The following AK8 variants were observed in gnomAD, a reference collection of about 807,000 sequenced individuals.
AK8 encodes adenylate kinase 8.
A neutral mutation model predicts 54.6 loss-of-function variants in AK8; 44 were observed. The ratio of observed to expected loss-of-function variants is 0.81; its 90% CI spans 0.63 to 1.04. The LOEUF (loss-of-function observed/expected upper bound fraction) is 1.04, where lower values mean the gene tolerates loss of function less well. Among genes scored for constraint, AK8 ranks in the 50% least tolerant of loss-of-function variants. The pLI is 0.00. For missense variants in AK8, 555 were observed against 613.6 expected, an observed-to-expected ratio of 0.90 and a Z score of 1.01; for synonymous variants, 239 against 245.6, an observed-to-expected ratio of 0.97 and a Z score of 0.25.
chr9:132,757,593 A>G (rs1564385896), intron 11 of AK8, among the ~76,000 whole-genome samples: 1 of 152,170 alleles, frequency 6.6e-6, no homozygotes, highest in Non-Finnish European at 1.5e-5. Context: ...ACTTCACACA[A>G]TGTGGACTGC....
intron 5 of AK8, among the ~76,000 whole-genome samples, chr9:132,838,028 C>T (rs1417788185): frequency 6.6e-6 from 1 of 152,190 alleles, no homozygotes; most frequent in Non-Finnish European, 1.5e-5. Flanking sequence ...TCTATAAACC[C>T]GTGAGTGTCA....
chr9:132,760,039 C>T (rs115108914), intron 11 of AK8, among the ~76,000 whole-genome samples: 1,853 of 152,250 alleles, frequency 0.012, 41 homozygotes, highest in African/African-American at 0.042. Flanking sequence ...ATAATATTAG[C>T]GTCCCTAACC....
chr9:132,746,154 G>A (rs1837639847), intron 11 of AK8, among the ~76,000 whole-genome samples: 3 of 138,472 alleles, frequency 2.2e-5, no homozygotes, highest in Non-Finnish European at 4.6e-5. Context: ...AGTCCTCTGA[G>A]ATGGTTCTAT....
intron 11 of AK8, among the ~76,000 whole-genome samples, chr9:132,782,620 C>T (rs1027788516): frequency 6.6e-6 from 1 of 151,778 alleles, no homozygotes; most frequent in South Asian, 2.1e-4. Context: ...ATCCGGAAGG[C>T]GGAGGTTGTA....
chr9:132,726,522 C>T (rs375642716), intron 12 of AK8, among the ~76,000 whole-genome samples: 1 of 152,204 alleles, frequency 6.6e-6, no homozygotes, highest in East Asian at 1.9e-4. Flanking sequence ...CCTGCCTTGG[C>T]CTCCCAAAGT....
chr9:132,792,850 G>C (rs932379300), intron 10 of AK8, 75 bp from the exon 11 acceptor site: 16 of 1,479,304 alleles, frequency 1.1e-5, no homozygotes, highest in Non-Finnish European at 1.4e-5. Context: ...ACTTTACTTG[G>C]CCATAGATTG....
intron 11 of AK8, among the ~76,000 whole-genome samples, chr9:132,785,617 C>A (rs908444417): frequency 3.3e-5 from 5 of 152,042 alleles, no homozygotes; most frequent in African/African-American, 1.2e-4. Flanking sequence ...CAAAGGAAAC[C>A]ATAATGAAGC....
intron 11 of AK8, among the ~76,000 whole-genome samples, chr9:132,763,521 T>A (rs916670921): frequency 6.6e-6 from 1 of 152,258 alleles, no homozygotes; most frequent in Non-Finnish European, 1.5e-5. Context: ...TCTAACTAGA[T>A]GCGTAAACAG....
intron 9 of AK8, among the ~76,000 whole-genome samples, chr9:132,821,800 T>C (rs183544920): frequency 0.053 from 5,839 of 110,192 alleles, 400 homozygotes; most frequent in Admixed American, 0.072. Flanking sequence ...AATATATACA[T>C]ATATGTGTAT....
chr9:132,771,731 C>T (rs547547880), intron 11 of AK8, among the ~76,000 whole-genome samples: 2 of 152,286 alleles, frequency 1.3e-5, no homozygotes, highest in South Asian at 2.1e-4. Context: ...TGACAAGCAG[C>T]GTCGTGTGGT....
At chr9:132,743,512 C>A (rs1310604340) in intron 11 of AK8, among the ~76,000 whole-genome samples, 1 of 152,270 alleles carries the variant, frequency 6.6e-6, no homozygotes, top group Non-Finnish European at 1.5e-5. Flanking sequence ...TCGCTACCCA[C>A]CGCCAGATTC....
At chr9:132,830,355 T>C (rs186728376) in intron 5 of AK8, among the ~76,000 whole-genome samples, 79 of 152,322 alleles carry the variant, frequency 5.2e-4, no homozygotes, top group Non-Finnish European at 3.8e-4. Flanking sequence ...TTTTGCCACA[T>C]CGCTCTACAA....
At chr9:132,834,688 G>C (rs535101159) in intron 5 of AK8, among the ~76,000 whole-genome samples, 53 of 152,236 alleles carry the variant, frequency 3.5e-4, no homozygotes, top group African/African-American at 1.1e-3. Context: ...GAAATATGCA[G>C]GAGTGATTTT....
chr9:132,832,641 C>G (rs1842155478), intron 5 of AK8, among the ~76,000 whole-genome samples: 1 of 152,192 alleles, frequency 6.6e-6, no homozygotes. Flanking sequence ...AAGGCCTCTG[C>G]TTTTAATATT....
chr9:132,806,152 G>GT (rs1396432321), intron 10 of AK8, among the ~76,000 whole-genome samples: 2 of 151,660 alleles, frequency 1.3e-5, no homozygotes, highest in African/African-American at 4.9e-5. Context: ...AAAATGTAGA[G>GT]TTTTTTCAAT....
rs1840002673 is a variant in AK8, at chr9:132,792,790, G to A, written c.980-15C>T. On this transcript the variant is annotated splice_polypyrimidine_tract_variant and intron_variant, in intron 10 of 12. Transcript: ENST00000298545. ...GCTGTCAGGAACTGCAGAGAAGGGGGGCAAGTGAGTACCCTGCTGGCCGGC... is the reference window on the plus strand; with the variant it reads ...GCTGTCAGGAACTGCAGAGAAGGGGAGCAAGTGAGTACCCTGCTGGCCGGC... 3.2e-6 allele frequency: 5 copies of A among 1,554,782 alleles called. No individual in the cohort carries two copies. The highest frequency in any genetic ancestry group is 4.4e-6 in the Non-Finnish European group (5 of 1,148,546).
At chr9:132,866,991 TG>T (rs1341277331) in intron 2 of AK8, 38 bp from the exon 3 acceptor site, 1 of 1,602,676 alleles carries the variant, frequency 6.2e-7, no homozygotes, top group Non-Finnish European at 8.5e-7. Context: ...CCACTCAACA[TG>T]ACAAGCAGCC....
chr9:132,808,964 G>A (rs534974494), intron 10 of AK8, among the ~76,000 whole-genome samples: 15 of 152,334 alleles, frequency 9.8e-5, no homozygotes, highest in African/African-American at 3.6e-4. Context: ...TCTGCACTGG[G>A]TGGCTAGATG....
At chr9:132,730,979 C>G (rs927214419) in intron 11 of AK8, among the ~76,000 whole-genome samples, 2 of 152,206 alleles carry the variant, frequency 1.3e-5, no homozygotes, top group Admixed American at 1.3e-4. Flanking sequence ...TCCTGATTCC[C>G]TCTGGGAGCC....
Sources: allele counts gnomAD v4.1 joint callset (sites outside exome capture counted in the v4.1 genomes callset), GRCh38; gene constraint gnomAD v4.1.1; transcripts MANE v1.5; gene names NCBI Gene and HGNC (gene_info 2026-07-23, HGNC 2026-07-21).